Variants in ASRGL1 observed in about 807,000 individuals in gnomAD.
The protein encoded by ASRGL1 is asparaginase and isoaspartyl peptidase 1, also known as isoaspartyl peptidase/L-asparaginase.
In ASRGL1, 16 loss-of-function variants were observed where a neutral mutation model predicts 22.4. The ratio of observed to expected loss-of-function variants is 0.71; its 90% CI spans 0.48 to 1.08. The LOEUF (loss-of-function observed/expected upper bound fraction) is 1.08, where lower values mean the gene tolerates loss of function less well. ASRGL1 is among the 50% of genes least tolerant of loss of function. The pLI is 0.00. For missense variants in ASRGL1, 412 were observed against 410.1 expected (o/e 1.00, Z -0.04); for synonymous variants, 165 against 159.3 (o/e 1.04, Z -0.27).
chr11:62,394,117 ATATATAT>A (rs1279957676), downstream of ASRGL1, among the ~76,000 whole-genome samples: 3 of 138,042 alleles, frequency 2.2e-5, no homozygotes, highest in Non-Finnish European at 4.6e-5. Context: ...TATAATTTAC[ATATATAT>A]TATATATAAT....
intron 4 of ASRGL1, chr11:62,382,790 C>G (rs1947104760): frequency 6.6e-6 from 1 of 152,310 alleles, no homozygotes; most frequent in Admixed American, 6.5e-5. Flanking sequence ...GGCAGAGGTC[C>G]CTGCAGCCTT....
At chr11:62,373,113 G>A (rs1430418791) in intron 4 of ASRGL1, 2 of 1,470,644 alleles carry the variant, frequency 1.4e-6, no homozygotes, top group African/African-American at 1.4e-5. Flanking sequence ...AGCAAGAGAT[G>A]AAAGTGAAAC....
chr11:62,354,977 T>C (rs540714713), intron 2 of ASRGL1, among the ~76,000 whole-genome samples: 37 of 152,230 alleles, frequency 2.4e-4, no homozygotes, highest in African/African-American at 8.9e-4. Flanking sequence ...AGTCTCACTC[T>C]GTCACCCTTG....
chr11:62,381,575 T>C (rs1176989666), intron 4 of ASRGL1, among the ~76,000 whole-genome samples: 2 of 152,190 alleles, frequency 1.3e-5, no homozygotes, highest in Non-Finnish European at 2.9e-5. Flanking sequence ...GGGATGATTT[T>C]ACCCTTCCTA....
chr11:62,350,208 A>G (rs1209415856), intron 2 of ASRGL1, among the ~76,000 whole-genome samples: 1 of 152,176 alleles, frequency 6.6e-6, no homozygotes, highest in Non-Finnish European at 1.5e-5. Context: ...CCTTCTGGAA[A>G]TGGCTTTTCT....
intron 4 of ASRGL1, among the ~76,000 whole-genome samples, chr11:62,359,361 G>A (rs368340170): frequency 1.3e-5 from 2 of 152,034 alleles, no homozygotes; most frequent in Middle Eastern, 3.4e-3. Flanking sequence ...CAGGAGAATC[G>A]CTTGAACCCA....
chr11:62,392,278 T>A lies in ASRGL1; in HGVS notation c.921T>A (p.Leu307=), dbSNP rs1265509844. Residue 307 remains leucine (L), a synonymous_variant, in exon 7 of 7, where the codon CTT becomes CTA. Coordinates refer to ENST00000415229, the MANE Select transcript of ASRGL1 (RefSeq NM_001083926.2). ...CTGACGATACTACTATCACCGACCT[T>A]CCCTAAGCCGCTGGAAGATTGTATT... ...IDPDDTTITD[L]P The A allele has an allele frequency of 6.2e-6, 10 of 1,613,464 alleles. No homozygotes were observed. The highest frequency in any genetic ancestry group is 8.5e-6 in the Non-Finnish European group (10 of 1,180,010).
At chr11:62,400,830 G>A in the ASRGL1 span, among the ~76,000 whole-genome samples, 1 of 152,166 alleles carries the variant, frequency 6.6e-6, no homozygotes, top group Admixed American at 6.5e-5. Context: ...CCAGTTAAGT[G>A]CATCTCCCTC....
chr11:62,368,148 T>C (rs1946667084), intron 4 of ASRGL1, among the ~76,000 whole-genome samples: 1 of 152,168 alleles, frequency 6.6e-6, no homozygotes, highest in African/African-American at 2.4e-5. Flanking sequence ...ACATAACTTT[T>C]ACTACAGTAT....
Position 62,392,968 on chromosome 11 carries a change from G to A in ASRGL1, c.*684G>A, listed in dbSNP as rs557013118. The A allele has an allele frequency of 6.6e-6, 1 of 152,558 alleles. No homozygotes were observed. Among genetic ancestry groups the A allele is most frequent in the African/African-American group, 2.4e-5 (1 of 41,580 alleles). 9.5% of individuals were successfully genotyped at this position (152,558 alleles called of 1,614,324 possible). On this transcript the variant is annotated 3_prime_UTR_variant, in exon 7 of 7. Coordinates refer to ENST00000415229, the MANE Select transcript of ASRGL1 (RefSeq NM_001083926.2). The stretch of plus-strand genomic sequence containing the variant: ...TGGGAGGTCATAAGGGAGACGCTGT[G>A]GGGTTCCTTGAAGTTTCTTGGGTTC...
At chr11:62,362,576 TTATATAA>T (rs1946478196) in intron 4 of ASRGL1, among the ~76,000 whole-genome samples, 1 of 52,182 alleles carries the variant, frequency 1.9e-5, no homozygotes, top group African/African-American at 7.0e-5. Flanking sequence ...ATAATATATA[TTATATAA>T]AATATATAAT....
intron 4 of ASRGL1, chr11:62,372,944 C>T (rs995228453): frequency 8.6e-6 from 13 of 1,509,456 alleles, no homozygotes; most frequent in African/African-American, 4.1e-5. Context: ...TTGTGGCAGC[C>T]GATGAGAGCA....
chr11:62,341,964 A>G (rs967529580), intron 2 of ASRGL1, among the ~76,000 whole-genome samples: 6 of 152,172 alleles, frequency 3.9e-5, no homozygotes, highest in African/African-American at 1.4e-4. Flanking sequence ...TCGAACATTA[A>G]TTTATTTTAT....
intron 4 of ASRGL1, among the ~76,000 whole-genome samples, chr11:62,375,900 A>G (rs1946914500): frequency 6.6e-6 from 1 of 151,734 alleles, no homozygotes; most frequent in Admixed American, 6.6e-5. Context: ...TCACGAGATC[A>G]AGACCAGCCT....
chr11:62,344,375 CA>C (rs1246589514), intron 2 of ASRGL1, among the ~76,000 whole-genome samples: 5 of 152,076 alleles, frequency 3.3e-5, no homozygotes. Context: ...TTTTCTTTCT[CA>C]ATATTTTATT....
At chr11:62,356,800 G>A (rs947298951) in intron 3 of ASRGL1, among the ~76,000 whole-genome samples, 187 bp from the exon 4 acceptor site, 2 of 152,134 alleles carry the variant, frequency 1.3e-5, no homozygotes, top group African/African-American at 2.4e-5. Flanking sequence ...ATCAATTGGG[G>A]TCTTTTCTTT....
intron 2 of ASRGL1, among the ~76,000 whole-genome samples, chr11:62,350,398 T>G (rs1354593111): frequency 6.6e-6 from 1 of 152,210 alleles, no homozygotes; most frequent in African/African-American, 2.4e-5. Flanking sequence ...CTATGAACAT[T>G]CATGAACACG....
At chr11:62,362,676 A>G (rs1435275517) in intron 4 of ASRGL1, among the ~76,000 whole-genome samples, 1 of 94,746 alleles carries the variant, frequency 1.1e-5, no homozygotes, top group African/African-American at 4.3e-5. Context: ...TATAATATAT[A>G]TTATATAAAA....
At chr11:62,356,284 A>G in intron 2 of ASRGL1, 41 bp from the exon 3 acceptor site, 1 of 1,607,204 alleles carries the variant, frequency 6.2e-7, no homozygotes, top group Non-Finnish European at 8.5e-7. Context: ...GACGGGGCGT[A>G]AATTCTTAAT....
Sources: gnomAD v4.1 joint callset for allele counts (sites outside exome capture counted in the v4.1 genomes callset) on GRCh38, gnomAD v4.1.1 for gene constraint, MANE v1.5 for transcripts, NCBI Gene and HGNC (gene_info 2026-07-23, HGNC 2026-07-21) for gene names.